The following P2RX3 variants were observed in gnomAD, a reference collection of about 807,000 sequenced individuals.
P2RX3 encodes the protein purinergic receptor P2X 3.
Under a neutral mutation model 51.5 loss-of-function variants are expected in P2RX3, and 41 were observed. That is an observed-to-expected ratio of 0.80 (90% CI 0.62 to 1.03). The LOEUF (loss-of-function observed/expected upper bound fraction) is 1.03, where lower values mean the gene tolerates loss of function less well. P2RX3 is among the 50% of genes least tolerant of loss of function. P2RX3 has a pLI of 0.00. For missense variants in P2RX3, 459 were observed against 522.1 expected, an observed-to-expected ratio of 0.88 and a Z score of 1.18; for synonymous variants, 185 against 191.6, an observed-to-expected ratio of 0.97 and a Z score of 0.29.
intron 8 of P2RX3, among the ~76,000 whole-genome samples, chr11:57,362,682 T>G (rs1856739678): frequency 6.6e-6 from 1 of 152,210 alleles, no homozygotes; most frequent in Non-Finnish European, 1.5e-5. Flanking sequence ...CTGCCTGGGT[T>G]CGAATCCCAG....
In P2RX3 at chr11:57,338,665, G is replaced by A; in HGVS notation, c.115G>A (p.Val39Ile). 3 of 1,580,492 alleles carry A rather than the reference G, an allele frequency of 1.9e-6. No individual in the cohort carries two copies. The highest frequency in any genetic ancestry group is 2.6e-6 in the Non-Finnish European group (3 of 1,152,434). ...VVQLLIISYFVGWVFLHEKAY... is the reference protein window; with the variant it reads ...VVQLLIISYFIGWVFLHEKAY... ...TCAGCTTCTGATCATCTCCTACTTT[G>A]TAGGGTGAGTCTGTGGCCTTTCAGG... The change falls in exon 1 of 12, where the codon GTA becomes ATA. Residue 39 changes from valine to isoleucine, a missense_variant. By Grantham distance (29) the Val-to-Ile change is conservative. Transcript: ENST00000263314.
chr11:57,349,686 G>A, intron 6 of P2RX3, 71 bp from the exon 7 acceptor site: 2 of 1,596,874 alleles, frequency 1.3e-6, no homozygotes, highest in East Asian at 2.2e-5. Context: ...GGCTCCGGAA[G>A]GCGGGGAGAG....
intron 1 of P2RX3, among the ~76,000 whole-genome samples, chr11:57,342,451 GCC>G (rs1856358576): frequency 6.6e-6 from 1 of 151,988 alleles, no homozygotes; most frequent in African/African-American, 2.4e-5. Flanking sequence ...GAGTCACCAT[GCC>G]TGGCTGGATG....
Position 57,338,584 on chromosome 11 carries a change from A to G in P2RX3, c.34A>G (p.Thr12Ala). Residue 12 changes from threonine to alanine, a missense_variant, in exon 1 of 12, where the codon ACC (threonine) becomes GCC (alanine). Transcript: ENST00000263314. ...NCISDFFTYE[T>A]TKSVVVKSWT... ...CATATCCGACTTCTTCACCTATGAG[A>G]CCACCAAGTCGGTGGTTGTGAAGAG... The G allele has an allele frequency of 6.3e-7, 1 of 1,594,616 alleles. No individual in the cohort carries two copies. The highest frequency in any genetic ancestry group is 8.6e-7 in the Non-Finnish European group (1 of 1,164,176).
intron 8 of P2RX3, among the ~76,000 whole-genome samples, chr11:57,353,622 GC>G (rs2134427636): frequency 7.4e-6 from 1 of 134,268 alleles, no homozygotes; most frequent in South Asian, 2.9e-4. Context: ...ACAATTCATA[GC>G]CCGGCCTTTT....
chr11:57,340,830 G>C (rs2134405008), intron 1 of P2RX3: 1 of 152,460 alleles, frequency 6.6e-6, no homozygotes, highest in Middle Eastern at 3.4e-3. Flanking sequence ...GGATGAGTAA[G>C]AGCAGCCCAG....
intron 8 of P2RX3, among the ~76,000 whole-genome samples, chr11:57,353,513 GA>G (rs1020318515): frequency 1.3e-5 from 2 of 151,776 alleles, no homozygotes; most frequent in Non-Finnish European, 2.9e-5. Context: ...TTAATCCTCA[GA>G]AAAAAAAGCA....
chr11:57,360,265 A>C (rs1325604358), intron 8 of P2RX3, among the ~76,000 whole-genome samples: 1 of 152,178 alleles, frequency 6.6e-6, no homozygotes, highest in Non-Finnish European at 1.5e-5. Context: ...GCTAGCTGCC[A>C]AATCTAACTG....
intron 1 of P2RX3, 112 bp downstream of exon 1, chr11:57,338,781 G>A (rs961560505): frequency 1.4e-6 from 1 of 707,402 alleles, no homozygotes; most frequent in African/African-American, 1.7e-5. Flanking sequence ...GCTCCTGGGG[G>A]AAACAGTTTC....
chr11:57,338,499 C>A lies in P2RX3; in HGVS notation c.-52C>A. On this transcript the variant is annotated 5_prime_UTR_variant, in exon 1 of 12. In the 5' UTR this introduces an upstream ATG that the reference lacks. Coordinates refer to ENST00000263314, the MANE Select transcript of P2RX3 (RefSeq NM_002559.5). The stretch of plus-strand genomic sequence containing the variant: ...CCCTGTCCTGTAGGACCTCCCTCTC[C>A]TGAGGCCACCACTGGGCCCCCTTCT... 7.3e-7 allele frequency: 1 copy of A among 1,373,622 alleles called. No homozygotes were observed. The highest frequency in any genetic ancestry group is 1.3e-5 in the South Asian group (1 of 78,102). 85.1% of individuals were successfully genotyped at this position (1,373,622 alleles called of 1,614,324 possible).
intron 11 of P2RX3, 97 bp from the exon 12 acceptor site, chr11:57,369,787 G>C (rs1236338778): frequency 1.2e-6 from 1 of 851,988 alleles, no homozygotes; most frequent in East Asian, 2.7e-5. Flanking sequence ...CTCATGACTA[G>C]GTCATGGGCG....
intron 8 of P2RX3, among the ~76,000 whole-genome samples, chr11:57,364,910 C>T (rs1167142708): frequency 6.6e-6 from 1 of 152,164 alleles, no homozygotes; most frequent in African/African-American, 2.4e-5. Context: ...CTTACTCTTT[C>T]TTGGGATCCC....
At chr11:57,351,018 G>A (rs889528697) in intron 8 of P2RX3, 120 bp downstream of exon 8, 24 of 1,424,814 alleles carry the variant, frequency 1.7e-5, no homozygotes, top group African/African-American at 5.6e-5. Flanking sequence ...TCCCACCTCA[G>A]GTTTCATTTC....
rs1856875422 is a variant in P2RX3, at chr11:57,370,871, G to T, written c.*874G>T. Among the ~76,000 whole-genome samples, 1 of 152,194 alleles carries T rather than the reference G, an allele frequency of 6.6e-6. No individual in the cohort carries two copies. Among genetic ancestry groups the T allele is most frequent in the Non-Finnish European group, 1.5e-5 (1 of 68,038 alleles). ...GACCTGGGATCCTGTCGTAGGCTGG[G>T]ACCCTGTTCCAGGAGTTCAGCAGTC... is the stretch of plus-strand genomic sequence containing the variant. On this transcript the variant is annotated 3_prime_UTR_variant, in exon 12 of 12. Transcript: ENST00000263314.
intron 4 of P2RX3, 96 bp from the exon 5 acceptor site, chr11:57,348,074 G>A: frequency 8.9e-7 from 1 of 1,126,102 alleles, no homozygotes; most frequent in Admixed American, 2.6e-5. Context: ...TCCCCCACTT[G>A]CCAGGGTCCC....
chr11:57,346,401 T>G (rs1856431685), intron 1 of P2RX3, 143 bp from the exon 2 acceptor site: 8 of 933,126 alleles, frequency 8.6e-6, no homozygotes, highest in Non-Finnish European at 1.3e-5. Flanking sequence ...GGGCTCACTC[T>G]AGGTCTCACG....
chr11:57,365,013 G>T (rs1006668858), intron 8 of P2RX3, among the ~76,000 whole-genome samples: 2 of 152,066 alleles, frequency 1.3e-5, no homozygotes, highest in Admixed American at 1.3e-4. Flanking sequence ...TCACTGAGTC[G>T]TTCTCAGCCT....
Position 57,360,311 on chromosome 11 carries a change from A to G in P2RX3, c.843-7698A>G, listed in dbSNP as rs117435807. 3.6e-3 allele frequency among the ~76,000 whole-genome samples: 550 copies of G among 152,218 alleles called. 4 individuals carry two copies. The highest frequency in any genetic ancestry group is 5.4e-3 in the Non-Finnish European group (364 of 67,994). On this transcript the variant is annotated intron_variant, in intron 8 of 11. Coordinates refer to ENST00000263314, the MANE Select transcript of P2RX3 (RefSeq NM_002559.5). The stretch of plus-strand genomic sequence containing the variant: ...GGGAGAGAAGCAGCCTGTTGTTACT[A>G]CCTTATACTAGCTCCACCTGCAGAA...
intron 1 of P2RX3, among the ~76,000 whole-genome samples, chr11:57,344,960 G>T (rs1349005960): frequency 6.6e-6 from 1 of 152,206 alleles, no homozygotes; most frequent in African/African-American, 2.4e-5. Flanking sequence ...TGACCCCAGA[G>T]ATCATTCAGT....
Sources: allele counts gnomAD v4.1 joint callset (sites outside exome capture counted in the v4.1 genomes callset), GRCh38; gene constraint gnomAD v4.1.1; transcripts MANE v1.5; gene names NCBI Gene and HGNC (gene_info 2026-07-23, HGNC 2026-07-21).